UGT1A10: variants seen among roughly 807,000 people sequenced by gnomAD.
UGT1A10 encodes UDP glucuronosyltransferase family 1 member A10.
Under a neutral mutation model 45.8 loss-of-function variants are expected in UGT1A10, and 49 were observed. That is an observed-to-expected ratio of 1.07 (90% confidence interval 0.85 to 1.36). The LOEUF is 1.36. UGT1A10 is among the 40% of genes most tolerant of loss of function. UGT1A10 has a pLI of 0.00. For missense variants in UGT1A10, 745 were observed against 668.6 expected (o/e 1.11, Z -1.26); for synonymous variants, 284 against 249.7 (o/e 1.14, Z -1.29).
intron 1 of UGT1A10, chr2:233,761,223 C>T: frequency 1.2e-6 from 2 of 1,613,412 alleles, no homozygotes; most frequent in Non-Finnish European, 1.7e-6. Context: ...ATTAACTAGC[C>T]CCAGATATAT....
intron 1 of UGT1A10, among the ~76,000 whole-genome samples, chr2:233,739,443 A>C (rs965423718): frequency 3.9e-5 from 6 of 152,204 alleles, no homozygotes; most frequent in African/African-American, 7.2e-5. Flanking sequence ...TACCCTGCAA[A>C]GCCACAGGGT....
At chr2:233,766,869 G>A (rs1460136088) in intron 1 of UGT1A10, among the ~76,000 whole-genome samples, 165 bp from the exon 2 acceptor site, 1 of 152,162 alleles carries the variant, frequency 6.6e-6, no homozygotes, top group African/African-American at 2.4e-5. Context: ...GTAAAGGAGA[G>A]GAAAATGCTG....
intron 1 of UGT1A10, among the ~76,000 whole-genome samples, chr2:233,704,362 C>T (rs2075783808): frequency 7.0e-6 from 1 of 143,344 alleles, no homozygotes; most frequent in African/African-American, 2.6e-5. Flanking sequence ...AGCGGTTGTT[C>T]TAGGGCTTAG....
intron 1 of UGT1A10, among the ~76,000 whole-genome samples, chr2:233,666,620 TTTTG>T (rs142679002): frequency 0.012 from 1,820 of 152,216 alleles, 16 homozygotes; most frequent in Admixed American, 0.02. Flanking sequence ...AGTAAACTCT[TTTTG>T]TTTGTTTGTT....
rs545766433 is a variant in UGT1A10 at position 233,658,278 on chromosome 2, C to T, written c.855+20901C>T. The stretch of plus-strand genomic sequence containing the variant: ...AAGAGACCCACGGACCTTGGCCTCC[C>T]AAAGTGCTGGGATTACAGGTGTGAG... On this transcript the variant is annotated intron_variant, in intron 1 of 4. Transcript: ENST00000344644. Among the ~76,000 whole-genome samples, 6 of 152,282 alleles carry T rather than the reference C, an allele frequency of 3.9e-5. No homozygotes were observed. The South Asian group carries it at 1.2e-3, about 32-fold the overall frequency.
chr2:233,712,280 C>T (rs1176719433), intron 1 of UGT1A10, among the ~76,000 whole-genome samples: 1 of 152,208 alleles, frequency 6.6e-6, no homozygotes, highest in African/African-American at 2.4e-5. Context: ...ACAGCAGCAC[C>T]TCTTCTTCCA....
intron 1 of UGT1A10, among the ~76,000 whole-genome samples, chr2:233,758,983 C>T (rs544214589): frequency 1.3e-5 from 2 of 152,264 alleles, no homozygotes; most frequent in South Asian, 4.2e-4. Context: ...GATCTTGGGC[C>T]AGTGGAATGA....
At chr2:233,737,003 G>T (rs560792837) in intron 1 of UGT1A10, among the ~76,000 whole-genome samples, 1 of 152,206 alleles carries the variant, frequency 6.6e-6, no homozygotes, top group African/African-American at 2.4e-5. Flanking sequence ...TCAGGGACCC[G>T]CTTGAGGAGG....
chr2:233,689,917 A>C (rs562345639), intron 1 of UGT1A10: 9 of 456,690 alleles, frequency 2.0e-5, no homozygotes, highest in African/African-American at 1.8e-4. Context: ...AGGTGCCTGG[A>C]ATTTCCTTCG....
intron 1 of UGT1A10, among the ~76,000 whole-genome samples, chr2:233,657,336 C>T (rs1180497199): frequency 6.6e-6 from 1 of 152,158 alleles, no homozygotes; most frequent in Non-Finnish European, 1.5e-5. Context: ...CTCAGTTCTG[C>T]AGGCTGTATA....
At chr2:233,719,288 C>T (rs1377929252) in intron 1 of UGT1A10, 12 of 1,613,978 alleles carry the variant, frequency 7.4e-6, no homozygotes, top group Non-Finnish European at 1.0e-5. Flanking sequence ...CCGTTAACCT[C>T]TGTGGGGCGG....
At chr2:233,771,972 A>G (rs1700426237) in intron 4 of UGT1A10, among the ~76,000 whole-genome samples, 1 of 152,212 alleles carries the variant, frequency 6.6e-6, no homozygotes, top group African/African-American at 2.4e-5. Flanking sequence ...AAAATTGGCC[A>G]GACATAGTGG....
At chr2:233,673,305 A>G (rs1337049852) in intron 1 of UGT1A10, among the ~76,000 whole-genome samples, 1 of 152,172 alleles carries the variant, frequency 6.6e-6, no homozygotes, top group African/African-American at 2.4e-5. Context: ...ACCAATACAG[A>G]CAGATTTGAC....
intron 1 of UGT1A10, among the ~76,000 whole-genome samples, chr2:233,677,393 T>C (rs1468796367): frequency 2.6e-5 from 4 of 152,202 alleles, no homozygotes; most frequent in African/African-American, 9.7e-5. Context: ...AAAATCCGCA[T>C]AGAACTTTTG....
intron 1 of UGT1A10, chr2:233,739,067 G>A (rs1690974167): frequency 6.6e-6 from 1 of 152,282 alleles, no homozygotes. Context: ...TTCAGAGGGT[G>A]CAAACCTCAA....
chr2:233,772,113 TA>T, intron 4 of UGT1A10, 148 bp from the exon 5 acceptor site: 2 of 1,529,488 alleles, frequency 1.3e-6, no homozygotes, highest in South Asian at 2.5e-5. Flanking sequence ...ACTCTGTATC[TA>T]AAAACAACAA....
At chr2:233,743,626 G>A (rs1399385903) in intron 1 of UGT1A10, 6 of 1,367,322 alleles carry the variant, frequency 4.4e-6, no homozygotes, top group Non-Finnish European at 5.9e-6. Flanking sequence ...TGAAGACGTC[G>A]GCTGGGTCGC....
chr2:233,742,329 G>T (rs1030248524), intron 1 of UGT1A10, among the ~76,000 whole-genome samples: 2 of 151,942 alleles, frequency 1.3e-5, no homozygotes, highest in Non-Finnish European at 2.9e-5. Context: ...GGGAAACAAA[G>T]GGATGGGCTC....
At chr2:233,714,096 G>A (rs17862870) in intron 1 of UGT1A10, among the ~76,000 whole-genome samples, 15,413 of 152,100 alleles carry the variant, frequency 0.1, 898 homozygotes, top group East Asian at 0.2. Context: ...CAAAGGATGG[G>A]CAAGAGTGGT....
Sources: gnomAD v4.1 joint callset for allele counts (sites outside exome capture counted in the v4.1 genomes callset) on GRCh38, gnomAD v4.1.1 for gene constraint, MANE v1.5 for transcripts, NCBI Gene and HGNC (gene_info 2026-07-23, HGNC 2026-07-21) for gene names.